ECPAS: variants seen among roughly 807,000 people sequenced by gnomAD.
ECPAS encodes proteasome adapter and scaffold protein ECM29.
Under a neutral mutation model 255.1 loss-of-function variants are expected in ECPAS, and 70 were observed. That is an observed-to-expected ratio of 0.27 (90% confidence interval 0.23 to 0.33). The LOEUF (loss-of-function observed/expected upper bound fraction) is 0.33, where lower values mean the gene tolerates loss of function less well. ECPAS is among the 10% of genes least tolerant of loss of function. ECPAS has a pLI of 1.00. For missense variants in ECPAS, 1,817 were observed against 2,206.4 expected, an observed-to-expected ratio of 0.82 and a Z score of 3.54; for synonymous variants, 784 against 775.0, an observed-to-expected ratio of 1.01 and a Z score of -0.19.
At chr9:111,461,579 T>C (rs1233583339) in intron 2 of ECPAS, among the ~76,000 whole-genome samples, 2 of 152,224 alleles carry the variant, frequency 1.3e-5, no homozygotes, top group Admixed American at 6.5e-5. Context: ...AACAGGTATA[T>C]AGTCACCTGG....
chr9:111,431,828 A>G (rs2098230508), intron 8 of ECPAS, among the ~76,000 whole-genome samples: 1 of 152,176 alleles, frequency 6.6e-6, no homozygotes, highest in Non-Finnish European at 1.5e-5. Context: ...AATAGCCACA[A>G]TTCCGCTATC....
Position 111,361,606 on chromosome 9 carries a change from C to T in ECPAS, c.*424G>A, listed in dbSNP as rs1330554265. The T allele has an allele frequency of 6.5e-6, 1 of 152,756 alleles. No homozygotes were observed. The highest frequency in any genetic ancestry group is 1.5e-5 in the Non-Finnish European group (1 of 68,456). The allele number at this position is 152,756 out of a possible 1,614,324, so 9.5% of individuals were successfully genotyped here. On this transcript the variant is annotated 3_prime_UTR_variant, in exon 50 of 50. Transcript: ENST00000684092. ...AGGCCTCAGAAAGCCTCTGAGATGACACAGCTTCCTATTTCTTCAGGTGTA... is the reference window on the plus strand; with the variant it reads ...AGGCCTCAGAAAGCCTCTGAGATGATACAGCTTCCTATTTCTTCAGGTGTA...
At chr9:111,410,843 T>C (rs1589159053) in intron 22 of ECPAS, 137 bp downstream of exon 22, 2 of 936,200 alleles carry the variant, frequency 2.1e-6, no homozygotes, top group Admixed American at 4.8e-5. Context: ...AAATACATTA[T>C]TTATCAAGTA....
chr9:111,483,055 A>G (rs1273163087), intron 1 of ECPAS, among the ~76,000 whole-genome samples: 1 of 152,178 alleles, frequency 6.6e-6, no homozygotes, highest in Non-Finnish European at 1.5e-5. Flanking sequence ...CTAGAGTGTC[A>G]CAAAAAGGCA....
At chr9:111,478,772 T>TA (rs1564572881) in intron 1 of ECPAS, among the ~76,000 whole-genome samples, 1 of 152,194 alleles carries the variant, frequency 6.6e-6, no homozygotes, top group Admixed American at 6.5e-5. Context: ...TGATATTACT[T>TA]TAGTATTATC....
At chr9:111,382,988 G>A (rs1021503230) in intron 35 of ECPAS, among the ~76,000 whole-genome samples, 20 of 152,178 alleles carry the variant, frequency 1.3e-4, no homozygotes, top group African/African-American at 4.6e-4. Context: ...AGCAGAGGCT[G>A]ATGACAACAG....
Position 111,366,110 on chromosome 9 carries a change from T to C in ECPAS, c.5308+129A>G, listed in dbSNP as rs1269951195. 3 of 622,858 alleles carry C rather than the reference T, an allele frequency of 4.8e-6. No individual in the cohort carries two copies. The East Asian group carries it at 8.3e-5, about 17-fold the overall frequency. The allele number at this position is 622,858 out of a possible 1,614,324, so 38.6% of individuals were successfully genotyped here. A position where few individuals can be genotyped will look rare whatever the true frequency, so the allele number is the denominator to read the frequency against. On this transcript the variant is annotated intron_variant, in intron 48 of 49. Transcript: ENST00000684092. Reference sequence around the variant, plus strand: ...CCAGTTAAGGGGTACACATGGAGTATAATAAGTAGCAGAGTCCAGTAGCTA... The same window carrying C: ...CCAGTTAAGGGGTACACATGGAGTACAATAAGTAGCAGAGTCCAGTAGCTA...
At chr9:111,364,630 G>A (rs2131461775) in intron 48 of ECPAS, among the ~76,000 whole-genome samples, 1 of 152,266 alleles carries the variant, frequency 6.6e-6, no homozygotes, top group East Asian at 1.9e-4. Context: ...TTTTAAAGAA[G>A]AGAAACAAAT....
chr9:111,375,081 T>C lies in ECPAS; in HGVS notation c.4110+32A>G, dbSNP rs756909380. 10 of 1,481,076 alleles carry C rather than the reference T, an allele frequency of 6.8e-6. No homozygotes were observed. The African/African-American group carries it at 1.2e-4, about 18-fold the overall frequency. The allele number at this position is 1,481,076 out of a possible 1,614,324, so 91.7% of individuals were successfully genotyped here. A position where few individuals can be genotyped will look rare whatever the true frequency, so the allele number is the denominator to read the frequency against. On this transcript the variant is annotated intron_variant, in intron 38 of 49. Coordinates refer to ENST00000684092, the MANE Select transcript of ECPAS (RefSeq NM_001364929.1). ...TCCTTATGGCCAGAACTAATGAAGA[T>C]GCACATTTCCTCTTGTGGAAAGTAC...
chr9:111,372,645 T>C (rs531907475), intron 41 of ECPAS, 25 bp from the exon 42 acceptor site: 2 of 1,560,118 alleles, frequency 1.3e-6, no homozygotes, highest in East Asian at 2.3e-5. Flanking sequence ...CCAAAATCTT[T>C]ACGATATTTA....
chr9:111,428,279 C>T (rs1489179707), intron 9 of ECPAS, 118 bp from the exon 10 acceptor site: 10 of 888,050 alleles, frequency 1.1e-5, no homozygotes, highest in South Asian at 2.2e-5. Context: ...TCCCTTTACA[C>T]TCTTAAAAAT....
chr9:111,437,148 A>G, intron 6 of ECPAS, 40 bp from the exon 7 acceptor site: 1 of 1,491,908 alleles, frequency 6.7e-7, no homozygotes, highest in Non-Finnish European at 9.0e-7. Flanking sequence ...ATAAATACAA[A>G]AGCATTTACA....
chr9:111,475,490 T>G (rs1055791339), intron 1 of ECPAS, among the ~76,000 whole-genome samples: 1 of 152,158 alleles, frequency 6.6e-6, no homozygotes, highest in African/African-American at 2.4e-5. Flanking sequence ...ATCCCAGCAC[T>G]TTGGGAGGCC....
At chr9:111,458,818 C>T (rs916345163) in intron 2 of ECPAS, among the ~76,000 whole-genome samples, 1 of 152,180 alleles carries the variant, frequency 6.6e-6, no homozygotes, top group Admixed American at 6.5e-5. Context: ...TACCCTGACA[C>T]AACACAAGCT....
intron 24 of ECPAS, among the ~76,000 whole-genome samples, chr9:111,405,125 A>C (rs2098182079): frequency 1.3e-5 from 2 of 149,800 alleles, no homozygotes; most frequent in South Asian, 4.2e-4. Context: ...GAGCAAAAAG[A>C]ATAAAGCCAG....
intron 24 of ECPAS, 30 bp downstream of exon 24, chr9:111,408,541 T>C: frequency 2.3e-6 from 3 of 1,302,402 alleles, no homozygotes; most frequent in South Asian, 3.0e-5. Context: ...TTTCTCTGAA[T>C]AACTAACAAT....
chr9:111,392,945 T>A, intron 27 of ECPAS, 63 bp from the exon 28 acceptor site: 1 of 1,113,938 alleles, frequency 9.0e-7, no homozygotes, highest in Non-Finnish European at 1.3e-6. Flanking sequence ...TGCTATGAAA[T>A]CAAAATTTTT....
chr9:111,370,893 T>A, intron 43 of ECPAS, 128 bp from the exon 44 acceptor site: 1 of 814,132 alleles, frequency 1.2e-6, no homozygotes. Flanking sequence ...ACAGTCACCT[T>A]ATCTTTAATG....
chr9:111,366,366 TA>T, intron 47 of ECPAS, 39 bp from the exon 48 acceptor site: 1 of 1,469,638 alleles, frequency 6.8e-7, no homozygotes, highest in Non-Finnish European at 9.3e-7. Context: ...TGCCAATTAT[TA>T]AGAAACAGTC....
Sources: gnomAD v4.1 joint callset for allele counts (sites outside exome capture counted in the v4.1 genomes callset) on GRCh38, gnomAD v4.1.1 for gene constraint, MANE v1.5 for transcripts, NCBI Gene and HGNC (gene_info 2026-07-23, HGNC 2026-07-21) for gene names.